The following TRAP1 variants were observed in gnomAD, a reference collection of about 807,000 sequenced individuals.
TRAP1 encodes TNF receptor associated protein 1.
In TRAP1, 102 loss-of-function variants were observed where a neutral mutation model predicts 89.1. That is an observed-to-expected ratio of 1.15 (90% CI 0.98 to 1.35). The LOEUF (loss-of-function observed/expected upper bound fraction) is 1.35. TRAP1 is among the 40% of genes most tolerant of loss of function. The pLI is 0.00. For missense variants in TRAP1, 1,256 were observed against 945.3 expected (o/e 1.33, Z -4.31); for synonymous variants, 508 against 388.0 (o/e 1.31, Z -3.64).
chr16:3,674,850 G>C (rs1468791794), intron 8 of TRAP1: 2 of 359,776 alleles, frequency 5.6e-6, no homozygotes, highest in South Asian at 3.3e-5. Flanking sequence ...TGAGCCGCGA[G>C]GGGGAAGTCA....
intron 8 of TRAP1, 113 bp from the exon 9 acceptor site, chr16:3,674,607 ACGGG>A: frequency 7.4e-7 from 1 of 1,346,846 alleles, no homozygotes; most frequent in South Asian, 1.4e-5. Context: ...CCTGGGACAG[ACGGG>A]CGGTGGTCTC....
chr16:3,706,428 G>A (rs539600200), intron 1 of TRAP1, among the ~76,000 whole-genome samples: 4 of 148,716 alleles, frequency 2.7e-5, no homozygotes, highest in South Asian at 4.2e-4. Context: ...TTAGAAGGGC[G>A]CACCACCACT....
At chr16:3,677,410 C>G in intron 6 of TRAP1, 88 bp downstream of exon 6, 5 of 1,551,264 alleles carry the variant, frequency 3.2e-6, no homozygotes, top group Middle Eastern at 1.8e-4. Flanking sequence ...TGCCTGTGTA[C>G]GTTTTCTGAG....
chr16:3,713,943 T>C (rs1193830891), intron 1 of TRAP1, among the ~76,000 whole-genome samples: 1 of 152,228 alleles, frequency 6.6e-6, no homozygotes, highest in Non-Finnish European at 1.5e-5. Flanking sequence ...CACAAGCTTA[T>C]ATCTGACAGA....
At chr16:3,670,382 C>CAAAAAAA (rs760902038) in intron 11 of TRAP1, among the ~76,000 whole-genome samples, 342 of 22,828 alleles carry the variant, frequency 0.015, 60 homozygotes, top group African/African-American at 0.027. Flanking sequence ...GACTCCGTCT[C>CAAAAAAA]AAAAAAAAAA....
intron 2 of TRAP1, chr16:3,689,920 C>T (rs902925353): frequency 2.6e-5 from 4 of 152,232 alleles, no homozygotes; most frequent in Non-Finnish European, 4.4e-5. Context: ...CCAGACATGC[C>T]TCGGGCTATG....
chr16:3,698,597 C>G lies in TRAP1; in HGVS notation c.89-7612G>C, dbSNP rs866706371. Among the ~76,000 whole-genome samples, 6 of 151,974 alleles carry G rather than the reference C, an allele frequency of 3.9e-5. No individual in the cohort carries two copies. The South Asian group carries it at 1.0e-3, about 26-fold the overall frequency. ...GATTACAGGCGTGAGCCACCGCGCC[C>G]GGCTTCTACAACAACTTTTAATCAC... On this transcript the variant is annotated intron_variant, in intron 1 of 17. Coordinates refer to ENST00000246957, the MANE Select transcript of TRAP1 (RefSeq NM_016292.3).
At chr16:3,706,798 A>G (rs2051453422) in intron 1 of TRAP1, among the ~76,000 whole-genome samples, 1 of 151,404 alleles carries the variant, frequency 6.6e-6, no homozygotes, top group Non-Finnish European at 1.5e-5. Flanking sequence ...GATTGTTTTC[A>G]TTTTCGGGTT....
intron 1 of TRAP1, among the ~76,000 whole-genome samples, chr16:3,692,724 G>C (rs867363806): frequency 7.1e-6 from 1 of 140,470 alleles, no homozygotes; most frequent in Non-Finnish European, 1.5e-5. Context: ...TCAGCCTCCC[G>C]AGTAGCTGGG....
rs1247837470 is a variant in TRAP1 at position 3,673,554 on chromosome 16, T to TG, written c.1045-735dup. Among the ~76,000 whole-genome samples, 14 of 151,258 alleles carry TG rather than the reference T, an allele frequency of 9.3e-5. No homozygotes were observed. The South Asian group carries it at 2.5e-3, about 27-fold the overall frequency. On this transcript the variant is annotated intron_variant, in intron 9 of 17. Coordinates refer to ENST00000246957, the MANE Select transcript of TRAP1 (RefSeq NM_016292.3). ...AAAATGTGGGGCGACCTGGTTAAAATGGGGGGGATCCGGTTAAAATGCGGG... is the reference window on the plus strand; with the variant it reads ...AAAATGTGGGGCGACCTGGTTAAAATGGGGGGGGATCCGGTTAAAATGCGGG...
chr16:3,677,537 G>A lies in TRAP1; in HGVS notation c.665C>T (p.Ala222Val), dbSNP rs2051015471. ...ADRVEVYSRS[A>V]APGSLGYQWL... ...CTGGTAACCCAGGCTCCCCGGGGCT[G>A]CCGAGCGGGAATAGACCTCCACTCT... Residue 222 changes from alanine (A) to valine (V), a missense_variant, in exon 6 of 18, where the codon GCA becomes GTA. Physicochemically the swap from Ala to Val is moderately conservative, Grantham distance 64. Coordinates refer to ENST00000246957, the MANE Select transcript of TRAP1 (RefSeq NM_016292.3). The A allele has an allele frequency of 1.2e-6, 2 of 1,614,070 alleles. No homozygotes were observed. Among genetic ancestry groups the A allele is most frequent in the African/African-American group, 1.3e-5 (1 of 74,936 alleles).
At chr16:3,713,938 G>C (rs1016500902) in intron 1 of TRAP1, among the ~76,000 whole-genome samples, 1 of 152,206 alleles carries the variant, frequency 6.6e-6, no homozygotes, top group South Asian at 2.1e-4. Flanking sequence ...CTACGCACAA[G>C]CTTATATCTG....
At chr16:3,676,280 T>A (rs746914391) in intron 6 of TRAP1, 135 bp from the exon 7 acceptor site, 1 of 574,612 alleles carries the variant, frequency 1.7e-6, no homozygotes, top group African/African-American at 1.9e-5. Flanking sequence ...GCCCCATTTC[T>A]GACCCCAGCG....
intron 10 of TRAP1, among the ~76,000 whole-genome samples, chr16:3,672,093 T>C (rs1315204846): frequency 6.6e-6 from 1 of 152,054 alleles, no homozygotes; most frequent in African/African-American, 2.4e-5. Flanking sequence ...ATCCCAGCGC[T>C]TTGGGAGGCC....
At position 3,701,614 on chromosome 16, in the gene TRAP1, G is replaced by A. The variant is rs557810881; in HGVS notation, c.89-10629C>T. Among the ~76,000 whole-genome samples, 15 of 151,246 alleles carry A rather than the reference G, an allele frequency of 9.9e-5. No individual in the cohort carries two copies. In the East Asian group the frequency reaches 1.7e-3, roughly 18 times the overall value. ...AAAACCTGGGGCAAAAGATATGAAC[G>A]GCATTTCACAGTGGCTACAGAAAGC... On this transcript the variant is annotated intron_variant, in intron 1 of 17. Coordinates refer to ENST00000246957, the MANE Select transcript of TRAP1 (RefSeq NM_016292.3).
intron 16 of TRAP1, 133 bp downstream of exon 16, chr16:3,661,854 G>T: frequency 8.2e-7 from 1 of 1,213,428 alleles, no homozygotes; most frequent in Non-Finnish European, 1.1e-6. Flanking sequence ...ACTGCATACA[G>T]CTCCTTATAG....
At position 3,675,366 on chromosome 16, in the gene TRAP1, G is replaced by T; in HGVS notation, c.846C>A (p.Ser282Arg). ...GCCTTCCATTCAAGTACAAGGGGAAGCTGACGAAGTTGCTGTACTTCGTTA... is the reference window on the plus strand; with the variant it reads ...GCCTTCCATTCAAGTACAAGGGGAATCTGACGAAGTTGCTGTACTTCGTTA... ...DVVTKYSNFV[S>R]FPLYLNGRRM... is the part of the protein sequence containing the mutation. The change falls in exon 8 of 18, where the codon AGC becomes AGA. Residue 282 changes from serine to arginine, a missense_variant. By Grantham distance (110) the Ser-to-Arg change is moderately radical. Transcript: ENST00000246957. The T allele has an allele frequency of 2.5e-6, 4 of 1,614,148 alleles. No homozygotes were observed. Among genetic ancestry groups the T allele is most frequent in the Non-Finnish European group, 3.4e-6 (4 of 1,179,984 alleles).
intron 15 of TRAP1, 200 bp downstream of exon 15, chr16:3,662,682 G>C (rs1422107758): frequency 1.4e-6 from 1 of 695,680 alleles, no homozygotes; most frequent in Admixed American, 2.0e-5. Flanking sequence ...AGGGCTGGGA[G>C]AAAGACACGG....
At chr16:3,699,828 G>T (rs866496212) in intron 1 of TRAP1, among the ~76,000 whole-genome samples, 45 of 149,048 alleles carry the variant, frequency 3.0e-4, no homozygotes, top group African/African-American at 1.1e-3. Flanking sequence ...CCATCACACA[G>T]GACTAAATTC....
Sources: gnomAD v4.1 joint callset for allele counts (sites outside exome capture counted in the v4.1 genomes callset) on GRCh38, gnomAD v4.1.1 for gene constraint, MANE v1.5 for transcripts, NCBI Gene and HGNC (gene_info 2026-07-23, HGNC 2026-07-21) for gene names.